The following BBS9 variants were observed in gnomAD, a reference collection of about 807,000 sequenced individuals.
The protein encoded by BBS9 is Bardet-Biedl syndrome 9.
Under a neutral mutation model 117.7 loss-of-function variants are expected in BBS9, and 89 were observed. The observed-to-expected ratio is 0.76, with a 90% CI of 0.64 to 0.90. The LOEUF is 0.90. BBS9 is among the 40% of genes least tolerant of loss of function. The pLI, the probability that BBS9 is intolerant of heterozygous loss-of-function variation, is 0.00. For missense variants in BBS9, 982 were observed against 1,042.2 expected, an observed-to-expected ratio of 0.94 and a Z score of 0.80; for synonymous variants, 379 against 370.9, an observed-to-expected ratio of 1.02 and a Z score of -0.25.
intron 5 of BBS9, among the ~76,000 whole-genome samples, chr7:33,183,201 T>C (rs1323884443): frequency 6.6e-6 from 1 of 152,062 alleles, no homozygotes; most frequent in Non-Finnish European, 1.5e-5. Flanking sequence ...TGTCTTTTTT[T>C]CCCCCCAAAA....
At chr7:33,474,695 C>T (rs1470501774) in intron 19 of BBS9, among the ~76,000 whole-genome samples, 14 of 152,120 alleles carry the variant, frequency 9.2e-5, no homozygotes, top group African/African-American at 2.7e-4. Context: ...CTCCTGTAAT[C>T]GCAGCACTTT....
chr7:33,584,503 T>A (rs1375631223), intron 21 of BBS9, among the ~76,000 whole-genome samples: 1 of 152,074 alleles, frequency 6.6e-6, no homozygotes, highest in Non-Finnish European at 1.5e-5. Flanking sequence ...TTTAAAAAAA[T>A]TAGAGTCCAG....
At chr7:33,180,968 G>A (rs1251422803) in intron 5 of BBS9, among the ~76,000 whole-genome samples, 2 of 152,174 alleles carry the variant, frequency 1.3e-5, no homozygotes, top group Non-Finnish European at 2.9e-5. Context: ...TTTCCTTGGC[G>A]GTCGGGATAT....
rs564745186 is a variant in BBS9, at chr7:33,405,979, T to G, written c.2115+17835T>G. Among the ~76,000 whole-genome samples, 445 of 152,302 alleles carry G rather than the reference T, an allele frequency of 2.9e-3. 5 individuals are homozygous for G. Among genetic ancestry groups the G allele is most frequent in the African/African-American group, 0.01 (420 of 41,556 alleles). On this transcript the variant is annotated intron_variant, in intron 19 of 22. Coordinates refer to ENST00000242067, the MANE Select transcript of BBS9 (RefSeq NM_198428.3). ...TCTTTCCTGCTTTCTCTTGTGGGCA[T>G]TTAGTGCTATAAATTTCCCTCTACA...
intron 21 of BBS9, among the ~76,000 whole-genome samples, chr7:33,560,502 A>G (rs1855932077): frequency 6.6e-6 from 1 of 152,212 alleles, no homozygotes; most frequent in Admixed American, 6.5e-5. Context: ...ACACCTGGGT[A>G]TAAGCTTTGG....
chr7:33,138,630 A>C (rs1158216958), intron 1 of BBS9, among the ~76,000 whole-genome samples: 1 of 151,124 alleles, frequency 6.6e-6, no homozygotes, highest in African/African-American at 2.4e-5. Flanking sequence ...CAGGAGAAAC[A>C]ATAATGATAT....
chr7:33,349,411 G>A, intron 13 of BBS9: 1 of 521,860 alleles, frequency 1.9e-6, no homozygotes, highest in Non-Finnish European at 3.7e-6. Flanking sequence ...TTCTGAACTT[G>A]TTGGACCTAT....
intron 19 of BBS9, among the ~76,000 whole-genome samples, chr7:33,398,200 A>G (rs1290062143): frequency 1.3e-5 from 2 of 152,166 alleles, no homozygotes; most frequent in African/African-American, 4.8e-5. Context: ...CAGATATATT[A>G]CCACAGATAA....
intron 20 of BBS9, among the ~76,000 whole-genome samples, chr7:33,528,323 C>T (rs1388239051): frequency 2.0e-5 from 3 of 150,294 alleles, no homozygotes; most frequent in Non-Finnish European, 3.0e-5. Context: ...TAACAGGTCT[C>T]GTGGTTTTTT....
intron 18 of BBS9, 24 bp downstream of exon 18, chr7:33,383,862 C>G: frequency 1.9e-6 from 3 of 1,599,948 alleles, no homozygotes; most frequent in Non-Finnish European, 2.6e-6. Flanking sequence ...TAACCCACAT[C>G]ATCTATAATC....
At chr7:33,236,848 C>T (rs1010919941) in intron 5 of BBS9, among the ~76,000 whole-genome samples, 11 of 151,886 alleles carry the variant, frequency 7.2e-5, no homozygotes, top group African/African-American at 1.7e-4. Context: ...GTGGTCACTG[C>T]GCAGTACAAT....
intron 9 of BBS9, among the ~76,000 whole-genome samples, chr7:33,277,538 A>C (rs1800993925): frequency 6.6e-6 from 1 of 152,214 alleles, no homozygotes; most frequent in Non-Finnish European, 1.5e-5. Flanking sequence ...AAAGAGTTTA[A>C]TTGATGCAAG....
At chr7:33,137,637 G>C (rs930499406) in intron 1 of BBS9, among the ~76,000 whole-genome samples, 5 of 152,256 alleles carry the variant, frequency 3.3e-5, no homozygotes, top group Non-Finnish European at 7.3e-5. Context: ...TTTCTTGGGA[G>C]TGGGCAGTGC....
At chr7:33,265,253 A>G (rs1033920385) in intron 7 of BBS9, among the ~76,000 whole-genome samples, 3 of 152,202 alleles carry the variant, frequency 2.0e-5, no homozygotes, top group Non-Finnish European at 2.9e-5. Context: ...AATTTTCTGT[A>G]TTAGGATACA....
intron 21 of BBS9, among the ~76,000 whole-genome samples, chr7:33,604,200 A>T (rs1208627275): frequency 2.0e-5 from 3 of 152,232 alleles, no homozygotes; most frequent in Admixed American, 1.3e-4. Context: ...CATGATTGTG[A>T]GTTTCCCATA....
intron 21 of BBS9, among the ~76,000 whole-genome samples, chr7:33,601,841 A>G (rs1433201896): frequency 2.0e-5 from 3 of 152,110 alleles, no homozygotes; most frequent in African/African-American, 4.8e-5. Flanking sequence ...CTGCCTGCAC[A>G]TCATCCTAGT....
intron 21 of BBS9, among the ~76,000 whole-genome samples, chr7:33,542,805 A>G (rs1313684119): frequency 5.0e-5 from 4 of 80,098 alleles, no homozygotes; most frequent in Non-Finnish European, 8.3e-5. Flanking sequence ...ACACACACAC[A>G]CACACACACA....
At chr7:33,160,234 G>A (rs907650777) in intron 4 of BBS9, among the ~76,000 whole-genome samples, 1 of 152,144 alleles carries the variant, frequency 6.6e-6, no homozygotes. Context: ...CCATGGAAAA[G>A]GAGACCTAAC....
intron 21 of BBS9, among the ~76,000 whole-genome samples, chr7:33,564,225 C>T (rs566077658): frequency 6.6e-6 from 1 of 152,226 alleles, no homozygotes; most frequent in South Asian, 2.1e-4. Context: ...TTACACTATC[C>T]ACCCATGGCA....
Sources: gnomAD v4.1 joint callset for allele counts (sites outside exome capture counted in the v4.1 genomes callset) on GRCh38, gnomAD v4.1.1 for gene constraint, MANE v1.5 for transcripts, NCBI Gene and HGNC (gene_info 2026-07-23, HGNC 2026-07-21) for gene names.